The following CHORDC1 variants were observed in gnomAD, a reference collection of about 807,000 sequenced individuals.
The protein encoded by CHORDC1 is cysteine and histidine-rich domain-containing protein 1.
CHORDC1 carries 25 observed loss-of-function variants against 48.3 expected under a neutral mutation model. That is an observed-to-expected ratio of 0.52 (90% confidence interval 0.38 to 0.72). The LOEUF is 0.72. Among genes scored for constraint, CHORDC1 ranks in the 30% least tolerant of loss-of-function variants. The pLI is 0.00. For synonymous variants in CHORDC1, 128 were observed against 126.4 expected (o/e 1.01, Z -0.09); for missense variants, 317 against 388.7 (o/e 0.82, Z 1.55).
chr11:90,219,915 C>A (rs1815129365), intron 1 of CHORDC1, among the ~76,000 whole-genome samples: 2 of 152,224 alleles, frequency 1.3e-5, no homozygotes, highest in South Asian at 2.1e-4. Context: ...GACTATCTTT[C>A]AACCTTTCAA....
In CHORDC1 at chr11:90,222,917, C is replaced by A. The variant is rs780389284; in HGVS notation, c.38G>T (p.Arg13Leu). 1 of 1,614,098 alleles carries A rather than the reference C, an allele frequency of 6.2e-7. No individual in the cohort carries two copies. Among genetic ancestry groups the A allele is most frequent in the South Asian group, 1.1e-5 (1 of 91,068 alleles). Reference sequence around the variant, plus strand: ...GTCGGAATTGGTCTCAGGATCGAAGCGCTGACCGCAGCCCCGGTTGTAGCA... The same window carrying A: ...GTCGGAATTGGTCTCAGGATCGAAGAGCTGACCGCAGCCCCGGTTGTAGCA... Reference protein sequence around the residue: ...LLCYNRGCGQRFDPETNSDDA... With the variant: ...LLCYNRGCGQLFDPETNSDDA... The change falls in exon 1 of 11, where the codon CGC (arginine) becomes CTC (leucine). Residue 13 changes from arginine to leucine, a missense_variant. Transcript: ENST00000320585.
chr11:90,217,341 G>C (rs1858038183), intron 2 of CHORDC1, among the ~76,000 whole-genome samples: 1 of 150,210 alleles, frequency 6.7e-6, no homozygotes, highest in Admixed American at 6.7e-5. Flanking sequence ...ATCATCTTTT[G>C]AGATATACAA....
At chr11:90,203,565 A>G (rs1011598070) in intron 8 of CHORDC1, 138 bp from the exon 9 acceptor site, 7 of 620,796 alleles carry the variant, frequency 1.1e-5, no homozygotes, top group African/African-American at 5.4e-5. Flanking sequence ...AAAAACTTCT[A>G]TATTTCCCAA....
At chr11:90,219,256 T>TC (rs1858101806) in intron 1 of CHORDC1, among the ~76,000 whole-genome samples, 2 of 149,954 alleles carry the variant, frequency 1.3e-5, no homozygotes, top group African/African-American at 4.9e-5. Flanking sequence ...AGAGCAAGAC[T>TC]CCATCTTAAA....
intron 1 of CHORDC1, among the ~76,000 whole-genome samples, chr11:90,218,839 T>C (rs989957347): frequency 1.8e-4 from 27 of 151,908 alleles, no homozygotes; most frequent in African/African-American, 6.0e-4. Flanking sequence ...GTCTGGAAAG[T>C]GAGGAGCACC....
rs1346985998 is a variant in CHORDC1 at position 90,200,499 on chromosome 11, A to G, written c.*1906T>C. 6.6e-6 allele frequency among the ~76,000 whole-genome samples: 1 copy of G among 152,000 alleles called. No homozygotes were observed. The highest frequency in any genetic ancestry group is 1.9e-4 in the East Asian group (1 of 5,194). On this transcript the variant is annotated 3_prime_UTR_variant, in exon 11 of 11. Transcript: ENST00000320585. ...ACAAACCGATAGTAAAACATATGCT[A>G]CCTAACGATAACTGTGTCCCTTTAT...
chr11:90,222,634 G>C (rs932649574), intron 1 of CHORDC1: 11 of 678,516 alleles, frequency 1.6e-5, no homozygotes, highest in Non-Finnish European at 2.7e-5. Context: ...GGGGAAACAC[G>C]TGGATCCATG....
At chr11:90,211,389 C>A in intron 4 of CHORDC1, 71 bp from the exon 5 acceptor site, 2 of 971,806 alleles carry the variant, frequency 2.1e-6, no homozygotes, top group Middle Eastern at 2.2e-4. Context: ...AAATTAATAA[C>A]CTTAAAAGCT....
At chr11:90,202,661 C>A in intron 10 of CHORDC1, 110 bp from the exon 11 acceptor site, 1 of 1,402,422 alleles carries the variant, frequency 7.1e-7, no homozygotes, top group Non-Finnish European at 9.7e-7. Context: ...TTCTAAAGGC[C>A]TCTTTTATAT....
At chr11:90,217,895 CAAAA>C (rs71055891) in intron 2 of CHORDC1, 1,831 of 176,854 alleles carry the variant, frequency 0.01, no homozygotes, top group East Asian at 0.034. Flanking sequence ...AACTCCATCT[CAAAA>C]AAAAAAAAAA....
At chr11:90,205,814 G>A in intron 7 of CHORDC1, 1 of 473,840 alleles carries the variant, frequency 2.1e-6, no homozygotes, top group South Asian at 2.8e-5. Context: ...GCTCTCAACT[G>A]CAGGATGCGG....
chr11:90,218,149 G>A lies in CHORDC1; in HGVS notation c.100C>T (p.His34Tyr). The change falls in exon 2 of 11, where the codon CAC (histidine) becomes TAC (tyrosine). Residue 34 changes from histidine (H) to tyrosine (Y), a missense_variant. His to Tyr is a moderately conservative substitution (Grantham distance 83). Coordinates refer to ENST00000320585, the MANE Select transcript of CHORDC1 (RefSeq NM_012124.3). Reference protein sequence around the residue: ...CTYHPGVPVFHDALKGWSCCK... With the variant: ...CTYHPGVPVFYDALKGWSCCK... ...ATAGTTCCTACCTTTAATGCATCGT[G>A]AAAGACCGGAACACCTGGGTGGTAT... The A allele has an allele frequency of 6.4e-7, 1 of 1,574,622 alleles. No homozygotes were observed. The highest frequency in any genetic ancestry group is 1.2e-5 in the South Asian group (1 of 83,608).
At chr11:90,222,426 A>T in intron 1 of CHORDC1, 1 of 349,004 alleles carries the variant, frequency 2.9e-6, no homozygotes, top group South Asian at 2.1e-5. Flanking sequence ...GGCAGAGCTT[A>T]CATGCTAGGA....
intron 1 of CHORDC1, among the ~76,000 whole-genome samples, chr11:90,220,123 C>G (rs10830448): frequency 0.3 from 45,265 of 152,044 alleles, 6,825 homozygotes; most frequent in South Asian, 0.36. Flanking sequence ...TCCAATGTGG[C>G]CCAGATAATT....
chr11:90,214,214 T>C (rs756131097), intron 3 of CHORDC1, 39 bp from the exon 4 acceptor site: 11 of 1,412,402 alleles, frequency 7.8e-6, no homozygotes, highest in Non-Finnish European at 9.6e-6. Context: ...CTATCTATTT[T>C]ACATTTCATG....
Position 90,214,249 on chromosome 11 carries a change from T to C in CHORDC1, c.172-74A>G, listed in dbSNP as rs973217664. The C allele has an allele frequency of 3.6e-6, 4 of 1,110,260 alleles. No homozygotes were observed. The African/African-American group carries it at 6.4e-5, about 18-fold the overall frequency. 68.8% of individuals were successfully genotyped at this position (1,110,260 alleles called of 1,614,324 possible). A position where few individuals can be genotyped will look rare whatever the true frequency, so the allele number is the denominator to read the frequency against. On this transcript the variant is annotated intron_variant, in intron 3 of 10. Transcript: ENST00000320585. ...GATAGAAATATTATCTTTTCAGTTC[T>C]TTATTGATAGTGATTCTATTTCATG... is the stretch of plus-strand genomic sequence containing the variant.
At chr11:90,206,792 G>A in intron 6 of CHORDC1, 1 of 1,287,100 alleles carries the variant, frequency 7.8e-7, no homozygotes. Flanking sequence ...GGGCCCCATT[G>A]CTGCTGTAGA....
rs1857536127 is a variant in CHORDC1 at position 90,201,195 on chromosome 11, AG to A, written c.*1209del. On this transcript the variant is annotated 3_prime_UTR_variant, in exon 11 of 11. Transcript: ENST00000320585. Reference sequence around the variant, plus strand: ...AATACCAAGGAAAAGAAAAGACTCAAGGGGTTTGGGAAATAAACCCCTTTTA... The same window carrying A: ...AATACCAAGGAAAAGAAAAGACTCAAGGGTTTGGGAAATAAACCCCTTTTA... 6.6e-6 allele frequency: 1 copy of A among 151,958 alleles called. No homozygotes were observed. The highest frequency in any genetic ancestry group is 1.5e-5 in the Non-Finnish European group (1 of 67,868). 9.4% of individuals were successfully genotyped at this position (151,958 alleles called of 1,614,324 possible). A position where few individuals can be genotyped will look rare whatever the true frequency, so the allele number is the denominator to read the frequency against.
In CHORDC1 at chr11:90,223,020, T is replaced by A; in HGVS notation, c.-66A>T. 1 of 1,386,862 alleles carries A rather than the reference T, an allele frequency of 7.2e-7. No individual in the cohort carries two copies. Among genetic ancestry groups the A allele is most frequent in the Non-Finnish European group, 1.0e-6 (1 of 977,148 alleles). The allele number at this position is 1,386,862 out of a possible 1,614,324, so 85.9% of individuals were successfully genotyped here. A position where few individuals can be genotyped will look rare whatever the true frequency, so the allele number is the denominator to read the frequency against. On this transcript the variant is annotated 5_prime_UTR_variant, in exon 1 of 11. Transcript: ENST00000320585. ...AACGGCAAGAGGATGCGTTTGCCAC[T>A]CCCGTGTCGCTAGCACCGGTCTGAC...
Sources: allele counts gnomAD v4.1 joint callset (sites outside exome capture counted in the v4.1 genomes callset), GRCh38; gene constraint gnomAD v4.1.1; transcripts MANE v1.5; gene names NCBI Gene and HGNC (gene_info 2026-07-23, HGNC 2026-07-21).